ACVRL1: variants seen among roughly 807,000 people sequenced by gnomAD.
The protein encoded by ACVRL1 is activin A receptor like type 1.
Under a neutral mutation model 51.9 loss-of-function variants are expected in ACVRL1, and 20 were observed. The ratio of observed to expected loss-of-function variants is 0.39; its 90% CI spans 0.27 to 0.56. The LOEUF is 0.56. ACVRL1 is among the 20% of genes least tolerant of loss of function. ACVRL1 has a pLI of 0.67. For synonymous variants in ACVRL1, 288 were observed against 280.9 expected (o/e 1.03, Z -0.25); for missense variants, 451 against 670.3 (o/e 0.67, Z 3.61).
chr12:51,920,931 T>TGGGG lies in ACVRL1; in HGVS notation c.*42_*45dup. On this transcript the variant is annotated 3_prime_UTR_variant, in exon 10 of 10. Coordinates refer to ENST00000388922, the MANE Select transcript of ACVRL1 (RefSeq NM_000020.3). ...TGATTCCTTTCTGCCTGCAGGGGGC[T>TGGGG]GGGGGGGTGGGGGGCAGTGGATGGT... The TGGGG allele has an allele frequency of 1.5e-5, 3 of 203,026 alleles. No individual in the cohort carries two copies. Among genetic ancestry groups the TGGGG allele is most frequent in the East Asian group, 1.4e-4 (1 of 7,392 alleles). The allele number at this position is 203,026 out of a possible 1,614,324, so 12.6% of individuals were successfully genotyped here.
Position 51,915,488 on chromosome 12 carries a change from A to C in ACVRL1, c.1036A>C (p.Ile346Leu). The C allele has an allele frequency of 5.6e-6, 9 of 1,607,678 alleles. No individual in the cohort carries two copies. Among genetic ancestry groups the C allele is most frequent in the Non-Finnish European group, 7.7e-6 (9 of 1,176,276 alleles). Residue 346 changes from isoleucine (I) to leucine (L), a missense_variant, in exon 7 of 10, where the codon ATC (isoleucine) becomes CTC (leucine). Transcript: ENST00000388922. Reference sequence around the variant, plus strand: ...GGTCAAGAGCAACCTGCAGTGTTGCATCGCCGACCTGGGTGAGCCGGGCGG... The same window carrying C: ...GGTCAAGAGCAACCTGCAGTGTTGCCTCGCCGACCTGGGTGAGCCGGGCGG... The part of the protein sequence containing the change: ...VLVKSNLQCC[I>L]ADLGLAVMHS...
At chr12:51,910,312 C>A (rs1940663916) in intron 1 of ACVRL1, among the ~76,000 whole-genome samples, 1 of 152,194 alleles carries the variant, frequency 6.6e-6, no homozygotes, top group African/African-American at 2.4e-5. Flanking sequence ...ACTCACCCAG[C>A]AGGGCCCTGT....
chr12:51,920,931 T>TGGGGGTGGGGGGGGGGGGGGGG lies in ACVRL1; in HGVS notation c.*43_*44insTGGGGGGGGGGGGGGGGGGGGG. On this transcript the variant is annotated 3_prime_UTR_variant, in exon 10 of 10. Transcript: ENST00000388922. ...TGATTCCTTTCTGCCTGCAGGGGGCTGGGGGGGTGGGGGGCAGTGGATGGT... is the reference window on the plus strand; with the variant it reads ...TGATTCCTTTCTGCCTGCAGGGGGCTGGGGGTGGGGGGGGGGGGGGGGGGGGGGGTGGGGGGCAGTGGATGGT... 1 of 203,032 alleles carries TGGGGGTGGGGGGGGGGGGGGGG rather than the reference T, an allele frequency of 4.9e-6. No individual in the cohort carries two copies. 12.6% of individuals were successfully genotyped at this position (203,032 alleles called of 1,614,324 possible). A position where few individuals can be genotyped will look rare whatever the true frequency, so the allele number is the denominator to read the frequency against.
intron 1 of ACVRL1, among the ~76,000 whole-genome samples, chr12:51,911,299 C>T (rs569980605): frequency 4.7e-4 from 71 of 152,250 alleles, no homozygotes; most frequent in Non-Finnish European, 8.5e-4. Context: ...CTATCATAGA[C>T]CAGAATTACT....
chr12:51,920,699 C>T, intron 9 of ACVRL1, 60 bp from the exon 10 acceptor site: 2 of 1,595,114 alleles, frequency 1.3e-6, no homozygotes, highest in Non-Finnish European at 1.7e-6. Context: ...CCGACCCCCT[C>T]CTCTTCTCTG....
intron 8 of ACVRL1, among the ~76,000 whole-genome samples, chr12:51,918,483 G>A (rs1037986935): frequency 6.6e-6 from 1 of 152,236 alleles, no homozygotes; most frequent in African/African-American, 2.4e-5. Flanking sequence ...CTGGCATACA[G>A]TGCTCAGTAA....
intron 1 of ACVRL1, among the ~76,000 whole-genome samples, chr12:51,908,434 C>T (rs1940635390): frequency 1.3e-5 from 2 of 152,234 alleles, no homozygotes; most frequent in African/African-American, 2.4e-5. Context: ...AATACCTGTC[C>T]TCTCACCTGT....
At chr12:51,909,221 T>C (rs1565590706) in intron 1 of ACVRL1, among the ~76,000 whole-genome samples, 1 of 152,192 alleles carries the variant, frequency 6.6e-6, no homozygotes, top group South Asian at 2.1e-4. Flanking sequence ...ATACCACTAC[T>C]CTGGCTCTCC....
At position 51,920,931 on chromosome 12, in the gene ACVRL1, T is replaced by TGG; in HGVS notation, c.*44_*45dup. 21 of 202,950 alleles carry TGG rather than the reference T, an allele frequency of 1.0e-4. No individual in the cohort carries two copies. Among genetic ancestry groups the TGG allele is most frequent in the Admixed American group, 6.6e-4 (10 of 15,170 alleles). 12.6% of individuals were successfully genotyped at this position (202,950 alleles called of 1,614,324 possible). On this transcript the variant is annotated 3_prime_UTR_variant, in exon 10 of 10. Coordinates refer to ENST00000388922, the MANE Select transcript of ACVRL1 (RefSeq NM_000020.3). ...TGATTCCTTTCTGCCTGCAGGGGGC[T>TGG]GGGGGGGTGGGGGGCAGTGGATGGT...
rs1444699045 is a variant in ACVRL1, at chr12:51,922,392, CTCCAAGGCT to C, written c.*1509_*1517del. 4 of 152,346 alleles carry C rather than the reference CTCCAAGGCT, an allele frequency of 2.6e-5. No individual in the cohort carries two copies. Among genetic ancestry groups the C allele is most frequent in the African/African-American group, 9.6e-5 (4 of 41,454 alleles). 9.4% of individuals were successfully genotyped at this position (152,346 alleles called of 1,614,324 possible). Reference sequence around the variant, plus strand: ...TGCCCCAGGACTGCAGGGCGGCTTCCTCCAAGGCTTCCAAGGCTCAAAAGAAATTTGGCT... The same window carrying C: ...TGCCCCAGGACTGCAGGGCGGCTTCCTCCAAGGCTCAAAAGAAATTTGGCT... On this transcript the variant is annotated 3_prime_UTR_variant, in exon 10 of 10. Transcript: ENST00000388922.
intron 2 of ACVRL1, 88 bp from the exon 3 acceptor site, chr12:51,913,008 AGAC>A: frequency 6.5e-7 from 1 of 1,531,778 alleles, no homozygotes; most frequent in Non-Finnish European, 8.8e-7. Flanking sequence ...CTGAGGGGTC[AGAC>A]GAGAGGGACA....
intron 2 of ACVRL1, 22 bp from the exon 3 acceptor site, chr12:51,913,077 G>A (rs1372696660): frequency 6.3e-7 from 1 of 1,596,896 alleles, no homozygotes; most frequent in Non-Finnish European, 8.5e-7. Flanking sequence ...CACAGTGGCT[G>A]AGCTTCCGGT....
intron 1 of ACVRL1, among the ~76,000 whole-genome samples, chr12:51,909,214 C>G (rs1027631826): frequency 2.0e-5 from 3 of 152,152 alleles, no homozygotes; most frequent in Non-Finnish European, 4.4e-5. Context: ...TTCGGGCATA[C>G]CACTACTCTG....
chr12:51,920,076 T>TACAC (rs1179920684), intron 9 of ACVRL1, among the ~76,000 whole-genome samples: 1 of 152,202 alleles, frequency 6.6e-6, no homozygotes, highest in Admixed American at 6.5e-5. Flanking sequence ...TGCATTCCTG[T>TACAC]ACACACACAC....
chr12:51,908,325 C>T (rs1266757994), intron 1 of ACVRL1, among the ~76,000 whole-genome samples: 1 of 152,168 alleles, frequency 6.6e-6, no homozygotes, highest in Non-Finnish European at 1.5e-5. Flanking sequence ...GCTGGCTGCC[C>T]CAGCTCCTCT....
chr12:51,913,498 T>A (rs1940746619), intron 3 of ACVRL1, 61 bp from the exon 4 acceptor site: 2 of 1,546,916 alleles, frequency 1.3e-6, no homozygotes, highest in Middle Eastern at 2.3e-4. Flanking sequence ...CAGAGTGGTC[T>A]GGCCCGAGGT....
chr12:51,918,932 A>G (rs548731909), intron 8 of ACVRL1, 53 bp from the exon 9 acceptor site: 36 of 1,613,504 alleles, frequency 2.2e-5, no homozygotes, highest in Admixed American at 3.3e-5. Flanking sequence ...TCTGGGTGGT[A>G]TTGGGCCTCC....
intron 9 of ACVRL1, 61 bp downstream of exon 9, chr12:51,919,176 GC>G (rs745544888): frequency 1.2e-6 from 2 of 1,612,038 alleles, no homozygotes; most frequent in Admixed American, 1.7e-5. Context: ...GGATTTCTGG[GC>G]CCAGGAACTT....
Position 51,915,164 on chromosome 12 carries a change from C to G in ACVRL1, c.773-61C>G, listed in dbSNP as rs1028956631. The G allele has an allele frequency of 5.0e-6, 8 of 1,592,448 alleles. No individual in the cohort carries two copies. In the East Asian group the frequency reaches 6.7e-5, roughly 13 times the overall value. Reference sequence around the variant, plus strand: ...TCCCCCAACCCCACCCTGACCCTGACGACTCCAGCCTCCCTTAGCCCCAGC... The same window carrying G: ...TCCCCCAACCCCACCCTGACCCTGAGGACTCCAGCCTCCCTTAGCCCCAGC... On this transcript the variant is annotated intron_variant, in intron 6 of 9. Coordinates refer to ENST00000388922, the MANE Select transcript of ACVRL1 (RefSeq NM_000020.3).
Sources: gnomAD v4.1 joint callset for allele counts (sites outside exome capture counted in the v4.1 genomes callset) on GRCh38, gnomAD v4.1.1 for gene constraint, MANE v1.5 for transcripts, NCBI Gene and HGNC (gene_info 2026-07-23, HGNC 2026-07-21) for gene names.